The following PRKD1 variants were observed in gnomAD, a reference collection of about 807,000 sequenced individuals.
PRKD1 encodes the protein protein kinase D1.
PRKD1 carries 63 observed loss-of-function variants against 95.9 expected under a neutral mutation model. The observed-to-expected ratio is 0.66, with a 90% CI of 0.54 to 0.81. The LOEUF (loss-of-function observed/expected upper bound fraction) is 0.81. PRKD1 is among the 30% of genes least tolerant of loss of function. The pLI, the probability that PRKD1 is intolerant of heterozygous loss-of-function variation, is 0.00. For synonymous variants in PRKD1, 425 were observed against 423.1 expected (o/e 1.00, Z -0.05); for missense variants, 1,048 against 1,165.3 (o/e 0.90, Z 1.47).
At chr14:29,904,144 C>A (rs573110692) in intron 1 of PRKD1, among the ~76,000 whole-genome samples, 30 of 152,098 alleles carry the variant, frequency 2.0e-4, no homozygotes, top group Non-Finnish European at 2.6e-4. Flanking sequence ...CCTGTAATTC[C>A]AAATAATAAA....
At chr14:29,778,415 A>G (rs542925088) in intron 1 of PRKD1, among the ~76,000 whole-genome samples, 2 of 152,336 alleles carry the variant, frequency 1.3e-5, no homozygotes, top group South Asian at 2.1e-4. Flanking sequence ...AAGAAAAGAG[A>G]GAAGATTCAA....
chr14:29,846,995 G>T (rs1474387699), intron 1 of PRKD1, among the ~76,000 whole-genome samples: 1 of 152,142 alleles, frequency 6.6e-6, no homozygotes, highest in Non-Finnish European at 1.5e-5. Flanking sequence ...CCAACTGCAG[G>T]GTCGATAGCC....
chr14:29,621,017 AT>A, intron 13 of PRKD1, among the ~76,000 whole-genome samples: 1 of 152,210 alleles, frequency 6.6e-6, no homozygotes, highest in African/African-American at 2.4e-5. Context: ...AGCCATAAAA[AT>A]GATGAGTTCA....
chr14:29,691,212 T>C (rs957076203), intron 2 of PRKD1, among the ~76,000 whole-genome samples: 8 of 152,140 alleles, frequency 5.3e-5, no homozygotes, highest in African/African-American at 7.2e-5. Context: ...GTTTTCCGAG[T>C]TCCTAAAACC....
At chr14:29,862,894 T>C (rs1224634943) in intron 1 of PRKD1, among the ~76,000 whole-genome samples, 2 of 152,188 alleles carry the variant, frequency 1.3e-5, no homozygotes, top group Non-Finnish European at 2.9e-5. Flanking sequence ...ATTTTTGCTG[T>C]GGCTGCCTGT....
intron 16 of PRKD1, among the ~76,000 whole-genome samples, chr14:29,595,274 T>C (rs1007476024): frequency 6.6e-6 from 1 of 152,226 alleles, no homozygotes; most frequent in Non-Finnish European, 1.5e-5. Flanking sequence ...TGTCTCTTTC[T>C]TTCCATTCTT....
chr14:29,641,736 C>T (rs1880779726), intron 4 of PRKD1, among the ~76,000 whole-genome samples: 1 of 152,010 alleles, frequency 6.6e-6, no homozygotes, highest in African/African-American at 2.4e-5. Context: ...AAATGTAAAA[C>T]AAGGACTTTG....
At chr14:29,894,872 C>G (rs559944954) in intron 1 of PRKD1, among the ~76,000 whole-genome samples, 52 of 152,310 alleles carry the variant, frequency 3.4e-4, no homozygotes, top group African/African-American at 1.2e-3. Context: ...GATTTTCTCA[C>G]AAGATCTTTA....
At chr14:29,909,878 C>G (rs564044036) in intron 1 of PRKD1, among the ~76,000 whole-genome samples, 64 of 152,320 alleles carry the variant, frequency 4.2e-4, no homozygotes, top group African/African-American at 1.4e-3. Flanking sequence ...TCTAGCTAAT[C>G]TAGTGGGGAC....
At chr14:29,813,879 G>A (rs1224729736) in intron 1 of PRKD1, among the ~76,000 whole-genome samples, 1 of 152,156 alleles carries the variant, frequency 6.6e-6, no homozygotes, top group African/African-American at 2.4e-5. Flanking sequence ...GACCTGAACT[G>A]TATAAACAAC....
At chr14:29,651,087 T>C (rs551111524) in intron 4 of PRKD1, among the ~76,000 whole-genome samples, 1 of 152,354 alleles carries the variant, frequency 6.6e-6, no homozygotes, top group South Asian at 2.1e-4. Context: ...TGTGTGTCTG[T>C]GTGTACACGC....
intron 13 of PRKD1, among the ~76,000 whole-genome samples, chr14:29,609,361 A>G (rs1878256601): frequency 6.6e-6 from 1 of 152,026 alleles, no homozygotes; most frequent in Admixed American, 6.6e-5. Context: ...CATGATTACA[A>G]TTTTTTCATC....
intron 16 of PRKD1, among the ~76,000 whole-genome samples, chr14:29,588,100 TACAA>T (rs1893000022): frequency 6.6e-6 from 1 of 152,220 alleles, no homozygotes; most frequent in Non-Finnish European, 1.5e-5. Flanking sequence ...CATAAACTGT[TACAA>T]ACACAGTTTA....
intron 1 of PRKD1, among the ~76,000 whole-genome samples, chr14:29,803,003 A>G (rs1372598637): frequency 6.6e-6 from 1 of 152,220 alleles, no homozygotes; most frequent in Non-Finnish European, 1.5e-5. Flanking sequence ...AAAATCTGAG[A>G]ACCAGAAACT....
chr14:29,858,956 A>G (rs771404190), intron 1 of PRKD1, among the ~76,000 whole-genome samples: 9 of 152,220 alleles, frequency 5.9e-5, no homozygotes, highest in Non-Finnish European at 8.8e-5. Flanking sequence ...CTCTATTTGA[A>G]TAATGACACA....
At chr14:29,690,499 C>T (rs1188219302) in intron 2 of PRKD1, among the ~76,000 whole-genome samples, 2 of 152,152 alleles carry the variant, frequency 1.3e-5, no homozygotes, top group Non-Finnish European at 2.9e-5. Context: ...CTTTTCAAAT[C>T]GGCTTACTTT....
At chr14:29,800,687 AT>A (rs1203361035) in intron 1 of PRKD1, among the ~76,000 whole-genome samples, 1 of 152,168 alleles carries the variant, frequency 6.6e-6, no homozygotes, top group Non-Finnish European at 1.5e-5. Flanking sequence ...AGGAAAAAAA[AT>A]GTGTGTTTTC....
chr14:29,804,367 C>T (rs2139226120), intron 1 of PRKD1, among the ~76,000 whole-genome samples: 1 of 152,244 alleles, frequency 6.6e-6, no homozygotes, highest in East Asian at 1.9e-4. Flanking sequence ...TTAGTCCTTT[C>T]TTGAGAGCTG....
intron 1 of PRKD1, among the ~76,000 whole-genome samples, chr14:29,865,915 C>G (rs1474579068): frequency 6.6e-6 from 1 of 152,122 alleles, no homozygotes; most frequent in Non-Finnish European, 1.5e-5. Context: ...TTCCATACAT[C>G]TGGGATACAA....
Sources: gnomAD v4.1 joint callset for allele counts (sites outside exome capture counted in the v4.1 genomes callset) on GRCh38, gnomAD v4.1.1 for gene constraint, MANE v1.5 for transcripts, NCBI Gene and HGNC (gene_info 2026-07-23, HGNC 2026-07-21) for gene names.